GET4: variants seen among roughly 807,000 people sequenced by gnomAD.
GET4 encodes Golgi to ER traffic protein 4 homolog.
GET4 carries 20 observed loss-of-function variants against 40.0 expected under a neutral mutation model. That is an observed-to-expected ratio of 0.50 (90% CI 0.35 to 0.73). The LOEUF is 0.73. Among genes scored for constraint, GET4 ranks in the 30% least tolerant of loss-of-function variants. GET4 has a pLI of 0.01. For synonymous variants in GET4, 280 were observed against 194.6 expected (o/e 1.44, Z -3.65); for missense variants, 557 against 454.0 (o/e 1.23, Z -2.06).
rs763846090 is a variant in GET4 at position 893,723 on chromosome 7, G to C, written c.747-17G>C. On this transcript the variant is annotated splice_polypyrimidine_tract_variant and intron_variant, in intron 6 of 8. Transcript: ENST00000265857. ...TGTTCTGCTCACCCAGCACATCCCT[G>C]TGTGTCTCTGTCCCAGTGGGAAGCT... 3 of 1,566,756 alleles carry C rather than the reference G, an allele frequency of 1.9e-6. No individual in the cohort carries two copies. The highest frequency in any genetic ancestry group is 2.3e-5 in the South Asian group (2 of 88,762).
intron 1 of GET4, chr7:885,494 C>T (rs576252100): frequency 2.6e-5 from 4 of 153,250 alleles, no homozygotes; most frequent in South Asian, 2.0e-4. Flanking sequence ...GGAGTGGGGA[C>T]GTGATGCAGG....
chr7:895,881 G>A lies in GET4; in HGVS notation c.*459G>A, dbSNP rs1844474490. 1 of 152,940 alleles carries A rather than the reference G, an allele frequency of 6.5e-6. No homozygotes were observed. The allele number at this position is 152,940 out of a possible 1,614,324, so 9.5% of individuals were successfully genotyped here. ...GGGCCCATGTGGTCTGCAAATGGGA[G>A]CGGCTGTTTTTGAACACGGGGTCAT... On this transcript the variant is annotated 3_prime_UTR_variant, in exon 9 of 9. Coordinates refer to ENST00000265857, the MANE Select transcript of GET4 (RefSeq NM_015949.3).
intron 1 of GET4, chr7:883,857 C>T: frequency 9.8e-7 from 1 of 1,021,766 alleles, no homozygotes; most frequent in East Asian, 1.0e-4. Context: ...TTGCCTGTCA[C>T]CGGCATTCCT....
chr7:894,000 C>T (rs373881085), intron 8 of GET4, 29 bp downstream of exon 8: 23 of 1,504,762 alleles, frequency 1.5e-5, no homozygotes, highest in Non-Finnish European at 1.8e-5. Flanking sequence ...GTCACACCCA[C>T]TCCAGCCCTG....
chr7:892,461 C>A, intron 6 of GET4, 43 bp downstream of exon 6: 1 of 1,573,478 alleles, frequency 6.4e-7, no homozygotes, highest in South Asian at 1.1e-5. Flanking sequence ...TGTGAATGTG[C>A]GGGTTGTGTG....
At chr7:880,159 T>A (rs1329003316) in intron 1 of GET4, 1 of 152,278 alleles carries the variant, frequency 6.6e-6, no homozygotes, top group Non-Finnish European at 1.5e-5. Context: ...CTGGCCAACA[T>A]GGAGAAACCC....
chr7:876,738 C>T lies in GET4; in HGVS notation c.93C>T (p.Arg31=), dbSNP rs145210818. 6.4e-5 allele frequency: 88 copies of T among 1,375,190 alleles called. No individual in the cohort carries two copies. The highest frequency in any genetic ancestry group is 7.6e-5 in the Non-Finnish European group (80 of 1,049,504). The allele number at this position is 1,375,190 out of a possible 1,614,324, so 85.2% of individuals were successfully genotyped here. ...TCCAGCGTGTGGAGGGCAAGCTGCG[C>T]GCCAGCGTCGAGAAGGGCGACTACT... ...GGVQRVEGKL[R]ASVEKGDYYE... is the part of the protein sequence containing the mutation. Residue 31 remains arginine (R), a synonymous_variant, in exon 1 of 9, where the codon CGC becomes CGT. Transcript: ENST00000265857.
intron 1 of GET4, chr7:884,208 G>A (rs757224354): frequency 7.7e-6 from 10 of 1,303,696 alleles, no homozygotes; most frequent in African/African-American, 1.5e-5. Context: ...CGGTGCATGC[G>A]GTTCTGCCCG....
chr7:885,661 C>T (rs1844172893), intron 1 of GET4: 2 of 182,304 alleles, frequency 1.1e-5, no homozygotes, highest in South Asian at 1.1e-4. Context: ...CCTGGAGCCC[C>T]CCATCCTTTG....
intron 1 of GET4, chr7:881,881 G>GAA (rs1313845406): frequency 6.6e-6 from 1 of 152,178 alleles, no homozygotes; most frequent in Non-Finnish European, 1.5e-5. Flanking sequence ...TTCTGTCCCT[G>GAA]TGTTCTCATC....
chr7:879,872 C>T (rs1264138144), intron 1 of GET4: 1 of 152,186 alleles, frequency 6.6e-6, no homozygotes, highest in Non-Finnish European at 1.5e-5. Context: ...TGTGATAGCG[C>T]CTTCAACCCG....
chr7:879,189 T>C (rs1844034267), intron 1 of GET4, among the ~76,000 whole-genome samples: 1 of 152,248 alleles, frequency 6.6e-6, no homozygotes, highest in Admixed American at 6.5e-5. Flanking sequence ...GGTTGTAGTT[T>C]GCTAGTTCAT....
chr7:886,904 A>C, intron 3 of GET4: 1 of 555,826 alleles, frequency 1.8e-6, no homozygotes, highest in South Asian at 2.0e-5. Context: ...TGTCCTCTCC[A>C]CTGCTCCGAT....
intron 8 of GET4, among the ~76,000 whole-genome samples, chr7:895,117 G>A (rs929067306): frequency 6.6e-5 from 10 of 151,946 alleles, no homozygotes; most frequent in Non-Finnish European, 1.0e-4. Context: ...GGAGTCCCCC[G>A]TGGCTGCTCC....
Position 886,127 on chromosome 7 carries a change from A to G in GET4, c.227A>G (p.His76Arg), listed in dbSNP as rs148362328. 30 of 1,601,716 alleles carry G rather than the reference A, an allele frequency of 1.9e-5. No homozygotes were observed. The highest frequency in any genetic ancestry group is 2.5e-5 in the Non-Finnish European group (29 of 1,169,710). ...TCGGGAGCCCTGCTCTTCTTCAGCC[A>G]TGGCCAGGTAAGCCGTCTTGCTTCC... ...MYSGALLFFS[H>R]GQQNSAADLS... is the part of the protein sequence containing the mutation. The change falls in exon 2 of 9, where the codon CAT becomes CGT. Residue 76 changes from histidine to arginine, a missense_variant. Physicochemically the swap from His to Arg is conservative, Grantham distance 29 (BLOSUM62 0). Transcript: ENST00000265857.
Position 895,331 on chromosome 7 carries a change from C to A in GET4, c.896-3C>A. The stretch of plus-strand genomic sequence containing the variant: ...GTGACTGCCACGGTGTTCTTCTTTC[C>A]AGGGAACCTTCTGACCAGCCTCATG... On this transcript the variant is annotated splice_region_variant and splice_polypyrimidine_tract_variant and intron_variant, in intron 8 of 8. Transcript: ENST00000265857. 1 of 1,526,052 alleles carries A rather than the reference C, an allele frequency of 6.6e-7. No individual in the cohort carries two copies. The highest frequency in any genetic ancestry group is 9.0e-7 in the Non-Finnish European group (1 of 1,105,708). The allele number at this position is 1,526,052 out of a possible 1,614,324, so 94.5% of individuals were successfully genotyped here.
intron 1 of GET4, chr7:883,122 G>A (rs1361523611): frequency 1.3e-5 from 2 of 152,260 alleles, no homozygotes; most frequent in Non-Finnish European, 2.9e-5. Context: ...TGTACCTGCC[G>A]GCTCAGGTCC....
chr7:885,108 C>T (rs973461924), intron 1 of GET4: 1 of 152,240 alleles, frequency 6.6e-6, no homozygotes, highest in Admixed American at 6.5e-5. Context: ...TAGTATTTTT[C>T]TTTAACTAGA....
At position 884,174 on chromosome 7, in the gene GET4, G is replaced by C. The variant is rs186633740; in HGVS notation, c.156-1882G>C. The C allele has an allele frequency of 2.7e-3, 3,499 of 1,296,070 alleles. 6 individuals are homozygous for C. The highest frequency in any genetic ancestry group is 3.2e-3 in the Non-Finnish European group (3,140 of 983,662). 80.3% of individuals were successfully genotyped at this position (1,296,070 alleles called of 1,614,324 possible). ...ACGCTGTAGTATCGGCAAAGCAGAA[G>C]CTGGTGTGGTGCTTGCTCAGGGTCG... On this transcript the variant is annotated intron_variant, in intron 1 of 8. Transcript: ENST00000265857.
Sources: allele counts gnomAD v4.1 joint callset (sites outside exome capture counted in the v4.1 genomes callset), GRCh38; gene constraint gnomAD v4.1.1; transcripts MANE v1.5; gene names NCBI Gene and HGNC (gene_info 2026-07-23, HGNC 2026-07-21).